UXT: variants seen among roughly 807,000 people sequenced by gnomAD.
UXT encodes ubiquitously expressed prefoldin like chaperone.
For missense variants in UXT, 111 were observed against 132.7 expected, an observed-to-expected ratio of 0.84 and a Z score of 0.80; for synonymous variants, 54 against 52.8, an observed-to-expected ratio of 1.02 and a Z score of -0.10.
At position 47,657,850 on chromosome X, in the gene UXT, G is replaced by A; in HGVS notation, c.148C>T (p.His50Tyr). 1 of 1,144,120 alleles carries A rather than the reference G, an allele frequency of 8.7e-7. No homozygotes were observed. Among genetic ancestry groups the A allele is most frequent in the African/African-American group, 1.8e-5 (1 of 55,035 alleles). 94.3% of individuals were successfully genotyped at this position (1,144,120 alleles called of 1,213,427 possible). A position where few individuals can be genotyped will look rare whatever the true frequency, so the allele number is the denominator to read the frequency against. ...AGCTGCTCATATACCTTGTCTCGAT[G>A]GTCCAGCACCTTTCTGATGGGACGA... Residue 50 changes from histidine to tyrosine, a missense_variant, in exon 2 of 6, where the codon CAT (histidine) becomes TAT (tyrosine). Physicochemically the swap from His to Tyr is moderately conservative, Grantham distance 83. Transcript: ENST00000335890.
chrX:47,658,575 A>G (rs1259363576), intron 1 of UXT, among the ~76,000 whole-genome samples: 1 of 112,295 alleles, frequency 8.9e-6, no homozygotes, highest in Non-Finnish European at 1.9e-5. Flanking sequence ...TTCGAACCCG[A>G]GAACTGTGGC....
chrX:47,656,323 C>T (rs1024001119), intron 4 of UXT, among the ~76,000 whole-genome samples: 10 of 111,593 alleles, frequency 9.0e-5, no homozygotes, highest in African/African-American at 2.6e-4. Context: ...CTGGGCAACA[C>T]AGCGAGACAC....
chrX:47,654,225 G>A, intron 4 of UXT: 1 of 183,110 alleles, frequency 5.5e-6, no homozygotes, highest in Non-Finnish European at 7.1e-6. Context: ...TTTTTTTTTT[G>A]AGATGGAGTC....
intron 4 of UXT, among the ~76,000 whole-genome samples, chrX:47,656,688 C>G (rs1212106194): frequency 9.0e-6 from 1 of 111,192 alleles, no homozygotes; most frequent in Admixed American, 9.6e-5. Context: ...AGCAATATCC[C>G]TGGGGTGGGA....
chrX:47,657,849 T>C lies in UXT; in HGVS notation c.149A>G (p.His50Arg). The C allele has an allele frequency of 1.7e-6, 2 of 1,156,678 alleles. No individual in the cohort carries two copies. The highest frequency in any genetic ancestry group is 1.1e-6 in the Non-Finnish European group (1 of 869,657). The change falls in exon 2 of 6, where the codon CAT (histidine) becomes CGT (arginine). Residue 50 changes from histidine (H) to arginine (R), a missense_variant. Physicochemically the swap from His to Arg is conservative, Grantham distance 29 (BLOSUM62 0). Transcript: ENST00000335890. ...CAGCTGCTCATATACCTTGTCTCGA[T>C]GGTCCAGCACCTTTCTGATGGGACG...
chrX:47,657,050 A>G (rs2058085884), intron 4 of UXT, 133 bp downstream of exon 5: 1 of 526,027 alleles, frequency 1.9e-6, no homozygotes, highest in South Asian at 3.2e-5. Flanking sequence ...TTGCAACCCC[A>G]TTTCTTCAGC....
At chrX:47,654,362 G>A (rs1251331121) in intron 4 of UXT, among the ~76,000 whole-genome samples, 1 of 109,489 alleles carries the variant, frequency 9.1e-6, no homozygotes, top group Non-Finnish European at 1.9e-5. Context: ...GCCTGCCACC[G>A]TTCCCGGCTA....
At chrX:47,658,618 G>A (rs1461521826) in intron 1 of UXT, among the ~76,000 whole-genome samples, 4 of 112,255 alleles carry the variant, frequency 3.6e-5, no homozygotes, top group Non-Finnish European at 5.6e-5. Context: ...GTTAAACATC[G>A]GAGGCCGCGC....
chrX:47,656,868 G>GT (rs920783720), intron 4 of UXT, among the ~76,000 whole-genome samples: 1 of 112,233 alleles, frequency 8.9e-6, no homozygotes, highest in Admixed American at 9.4e-5. Context: ...ATGTATAACA[G>GT]TATAGTCCTT....
chrX:47,652,268 G>T, intron 4 of UXT, 124 bp from the exon 6 acceptor site: 1 of 656,405 alleles, frequency 1.5e-6, no homozygotes, highest in Non-Finnish European at 2.3e-6. Flanking sequence ...ATGTGGAAAT[G>T]CCAAGCCACC....
At chrX:47,654,023 G>A (rs2058076139) in intron 4 of UXT, 3 of 708,664 alleles carry the variant, frequency 4.2e-6, no homozygotes, top group Non-Finnish European at 3.3e-6. Flanking sequence ...AATGGTGTAA[G>A]CTTACCTTAT....
chrX:47,652,655 T>C (rs1022870188), intron 4 of UXT, among the ~76,000 whole-genome samples: 2 of 111,545 alleles, frequency 1.8e-5, no homozygotes, highest in African/African-American at 6.5e-5. Context: ...GGCACTGAGG[T>C]GGGAGTGTGC....
chrX:47,657,913 T>C (rs1272036186), intron 1 of UXT, 50 bp from the exon 3 acceptor site: 2 of 976,794 alleles, frequency 2.0e-6, no homozygotes, highest in Non-Finnish European at 2.7e-6. Context: ...CCATTCCTCC[T>C]AGTATACCTC....
chrX:47,653,471 C>A (rs144957526), intron 4 of UXT, among the ~76,000 whole-genome samples: 2 of 111,405 alleles, frequency 1.8e-5, no homozygotes, highest in East Asian at 5.6e-4. Flanking sequence ...TCTACTCCTC[C>A]CCTAACTTCT....
At position 47,657,618 on chromosome X, in the gene UXT, A is replaced by G. The variant is rs1183093363; in HGVS notation, c.238T>C (p.Tyr80His). The change falls in exon 3 of 6, where the codon TAT (tyrosine) becomes CAT (histidine). Residue 80 changes from tyrosine (Y) to histidine (H), a missense_variant. Tyr to His is a moderately conservative substitution (Grantham distance 83). Coordinates refer to ENST00000335890, the MANE Select transcript of UXT (RefSeq NM_153477.3). ...TTACAGCCCAAATCCACCTGCATATATAACTCCGAGTGCTTAGCTTCCTGT... is the reference window on the plus strand; with the variant it reads ...TTACAGCCCAAATCCACCTGCATATGTAACTCCGAGTGCTTAGCTTCCTGT... 3 of 1,208,231 alleles carry G rather than the reference A, an allele frequency of 2.5e-6. No homozygotes were observed. In the East Asian group the frequency reaches 8.9e-5, roughly 36 times the overall value.
chrX:47,658,839 C>T lies in UXT; in HGVS notation c.125G>A (p.Arg42Gln), dbSNP rs1005639860. ...CCGCACTGTCACTCACCGCAAGTCC[C>T]GCTGCAGCACGTCACTGATGAAGGT... is the stretch of plus-strand genomic sequence containing the variant. Residue 42 changes from arginine to glutamine, a missense_variant, in exon 1 of 6, where the codon CGG becomes CAG. Physicochemically the swap from Arg to Gln is conservative, Grantham distance 43. Coordinates refer to ENST00000335890, the MANE Select transcript of UXT (RefSeq NM_153477.3). 1 of 1,144,347 alleles carries T rather than the reference C, an allele frequency of 8.7e-7. No homozygotes were observed. Among genetic ancestry groups the T allele is most frequent in the East Asian group, 3.0e-5 (1 of 32,815 alleles). The allele number at this position is 1,144,347 out of a possible 1,213,427, so 94.3% of individuals were successfully genotyped here. A position where few individuals can be genotyped will look rare whatever the true frequency, so the allele number is the denominator to read the frequency against.
At chrX:47,657,498 C>CA (rs1389889224) in intron 3 of UXT, 74 bp downstream of exon 4, 3 of 1,070,606 alleles carry the variant, frequency 2.8e-6, no homozygotes, top group Non-Finnish European at 2.6e-6. Flanking sequence ...AGAAGATACT[C>CA]AAAAAAATAT....
At chrX:47,654,208 CT>C (rs575561852) in intron 4 of UXT, 62,175 of 227,732 alleles carry the variant, frequency 0.27, 2,270 homozygotes, top group Non-Finnish European at 0.3. Flanking sequence ...TATGGTTATG[CT>C]TTTTTTTTTT....
At chrX:47,652,300 A>G (rs1461229179) in intron 4 of UXT, among the ~76,000 whole-genome samples, 156 bp from the exon 6 acceptor site, 1 of 112,392 alleles carries the variant, frequency 8.9e-6, no homozygotes, top group African/African-American at 3.2e-5. Flanking sequence ...ACTGATTCAA[A>G]GATTATTAAA....
Sources: gnomAD v4.1 joint callset for allele counts (sites outside exome capture counted in the v4.1 genomes callset) on GRCh38, gnomAD v4.1.1 for gene constraint, MANE v1.5 for transcripts, NCBI Gene and HGNC (gene_info 2026-07-23, HGNC 2026-07-21) for gene names.